AGMO: variants seen among roughly 807,000 people sequenced by gnomAD.
AGMO encodes glyceryl-ether monooxygenase.
AGMO carries 75 observed loss-of-function variants against 60.2 expected under a neutral mutation model. The ratio of observed to expected loss-of-function variants is 1.25; its 90% CI spans 1.03 to 1.51. The LOEUF (loss-of-function observed/expected upper bound fraction) is 1.51. AGMO is among the 40% of genes most tolerant of loss of function. The pLI is 0.00. For missense variants in AGMO, 763 were observed against 525.5 expected (o/e 1.45, Z -4.42); for synonymous variants, 261 against 177.1 (o/e 1.47, Z -3.76).
chr7:15,469,139 C>A (rs1782371602), intron 3 of AGMO, among the ~76,000 whole-genome samples: 1 of 152,016 alleles, frequency 6.6e-6, no homozygotes, highest in Admixed American at 6.6e-5. Context: ...TAAGTTACCA[C>A]AATTTAAAAT....
chr7:15,209,332 TAAAC>T (rs1366031290), intron 12 of AGMO, among the ~76,000 whole-genome samples: 1 of 152,124 alleles, frequency 6.6e-6, no homozygotes, highest in Non-Finnish European at 1.5e-5. Context: ...AGTGTGCTGT[TAAAC>T]AAATTATTTG....
chr7:15,251,735 T>C (rs2128506624), intron 12 of AGMO, among the ~76,000 whole-genome samples: 1 of 152,250 alleles, frequency 6.6e-6, no homozygotes, highest in East Asian at 1.9e-4. Flanking sequence ...GCAGCAGCCA[T>C]GTAGAAGATA....
chr7:15,175,915 G>T, the AGMO span, among the ~76,000 whole-genome samples: 2 of 151,990 alleles, frequency 1.3e-5, no homozygotes, highest in East Asian at 3.9e-4. Context: ...TATCCATTGA[G>T]TTTTACTAAA....
At chr7:15,228,611 A>G (rs1458300256) in intron 12 of AGMO, among the ~76,000 whole-genome samples, 1 of 152,176 alleles carries the variant, frequency 6.6e-6, no homozygotes, top group African/African-American at 2.4e-5. Context: ...CATTAAGAGA[A>G]AAGGAGGAAG....
At chr7:15,441,565 T>C (rs1781555097) in intron 3 of AGMO, among the ~76,000 whole-genome samples, 1 of 152,214 alleles carries the variant, frequency 6.6e-6, no homozygotes, top group African/African-American at 2.4e-5. Flanking sequence ...ATAACCTGAG[T>C]AGCACAATTA....
Position 15,258,383 on chromosome 7 carries a change from T to C in AGMO, c.1264-57024A>G, listed in dbSNP as rs542297931. Among the ~76,000 whole-genome samples the C allele has an allele frequency of 7.9e-5, 12 of 151,986 alleles. No individual in the cohort carries two copies. In the South Asian group the frequency reaches 2.1e-3, roughly 26 times the overall value. Reference sequence around the variant, plus strand: ...AACCAAATTACCTGTTGATTCACTGTCTGTATTTAAAAATACTGATTCGTG... The same window carrying C: ...AACCAAATTACCTGTTGATTCACTGCCTGTATTTAAAAATACTGATTCGTG... On this transcript the variant is annotated intron_variant, in intron 12 of 12. Transcript: ENST00000342526.
chr7:15,381,318 A>T (rs1783674581), intron 10 of AGMO, among the ~76,000 whole-genome samples: 1 of 152,198 alleles, frequency 6.6e-6, no homozygotes, highest in Non-Finnish European at 1.5e-5. Context: ...ATAGGAACTT[A>T]AACACATTTA....
the AGMO span, among the ~76,000 whole-genome samples, chr7:15,190,354 C>G: frequency 6.6e-6 from 1 of 151,030 alleles, no homozygotes; most frequent in Non-Finnish European, 1.5e-5. Context: ...GCCAAAGAAG[C>G]AGGTTATCAA....
At chr7:15,218,092 G>C (rs912022752) in intron 12 of AGMO, among the ~76,000 whole-genome samples, 1 of 151,780 alleles carries the variant, frequency 6.6e-6, no homozygotes, top group South Asian at 2.1e-4. Context: ...ACGTATAAAC[G>C]GTAATATATC....
intron 12 of AGMO, among the ~76,000 whole-genome samples, chr7:15,300,040 A>T (rs560442999): frequency 6.6e-6 from 1 of 152,270 alleles, no homozygotes; most frequent in African/African-American, 2.4e-5. Flanking sequence ...GAAGAGAAAA[A>T]TATTTCCATC....
intron 12 of AGMO, among the ~76,000 whole-genome samples, chr7:15,222,983 G>C (rs1003251985): frequency 6.6e-6 from 1 of 151,870 alleles, no homozygotes; most frequent in Admixed American, 6.6e-5. Flanking sequence ...ACTGATTTGT[G>C]AATACAGATG....
At chr7:15,222,005 G>A (rs1213350965) in intron 12 of AGMO, among the ~76,000 whole-genome samples, 2 of 152,024 alleles carry the variant, frequency 1.3e-5, no homozygotes, top group African/African-American at 4.8e-5. Context: ...ATTTTCTTAT[G>A]ATTAGTTATT....
chr7:15,432,739 A>G (rs370034588), intron 3 of AGMO, among the ~76,000 whole-genome samples: 6 of 151,948 alleles, frequency 3.9e-5, no homozygotes, highest in African/African-American at 1.4e-4. Context: ...AATTAAGGAA[A>G]TTGTTCTTAC....
rs189366837 is a variant in AGMO, at chr7:15,317,304, G to A, written c.1263+48210C>T. ...TATATAAGGTATGAATTTATGACCC[G>A]GAAAAGTAGTCAAGTAAAAGCTTAT... On this transcript the variant is annotated intron_variant, in intron 12 of 12. Transcript: ENST00000342526. 1.2e-3 allele frequency among the ~76,000 whole-genome samples: 183 copies of A among 152,130 alleles called. 1 individual carries two copies. In the Middle Eastern group the frequency reaches 0.014, roughly 11 times the overall value.
At chr7:15,517,776 CT>C (rs149037835) in intron 3 of AGMO, among the ~76,000 whole-genome samples, 10 of 151,106 alleles carry the variant, frequency 6.6e-5, no homozygotes, top group Non-Finnish European at 8.9e-5. Flanking sequence ...AGGAATTTTC[CT>C]TTTTTTTTGT....
chr7:15,475,855 G>A (rs1235757118), intron 3 of AGMO, among the ~76,000 whole-genome samples: 1 of 151,974 alleles, frequency 6.6e-6, no homozygotes, highest in African/African-American at 2.4e-5. Context: ...AAGATGGAAT[G>A]AGCTATAAGT....
intron 12 of AGMO, among the ~76,000 whole-genome samples, chr7:15,208,480 T>G (rs1781495346): frequency 6.6e-6 from 1 of 152,198 alleles, no homozygotes; most frequent in African/African-American, 2.4e-5. Context: ...TAAAAAACTT[T>G]TAAGAATGGT....
chr7:15,348,029 T>C (rs1308556149), intron 12 of AGMO, among the ~76,000 whole-genome samples: 1 of 152,098 alleles, frequency 6.6e-6, no homozygotes, highest in Non-Finnish European at 1.5e-5. Flanking sequence ...TGAAGTTAAC[T>C]GTTACTTTTT....
At chr7:15,311,828 G>A (rs2128532303) in intron 12 of AGMO, among the ~76,000 whole-genome samples, 1 of 152,168 alleles carries the variant, frequency 6.6e-6, no homozygotes, top group East Asian at 1.9e-4. Context: ...CTGGCTATAT[G>A]TAAATAAAAG....
Sources: allele counts gnomAD v4.1 joint callset (sites outside exome capture counted in the v4.1 genomes callset), GRCh38; gene constraint gnomAD v4.1.1; transcripts MANE v1.5; gene names NCBI Gene and HGNC (gene_info 2026-07-23, HGNC 2026-07-21).